CLDN10: variants seen among roughly 807,000 people sequenced by gnomAD.
The protein encoded by CLDN10 is claudin-10.
CLDN10 carries 15 observed loss-of-function variants against 22.9 expected under a neutral mutation model. That is an observed-to-expected ratio of 0.65 (90% confidence interval 0.44 to 1.01). The LOEUF (loss-of-function observed/expected upper bound fraction) is 1.01. CLDN10 is among the 50% of genes least tolerant of loss of function. The probability of loss-of-function intolerance (pLI) is 0.00; values close to 1 mark genes in which losing one functional copy is unlikely to be tolerated. For synonymous variants in CLDN10, 114 were observed against 111.4 expected, an observed-to-expected ratio of 1.02 and a Z score of -0.15; for missense variants, 247 against 287.8, an observed-to-expected ratio of 0.86 and a Z score of 1.03.
chr13:95,451,740 C>A (rs549063941), intron 1 of CLDN10, among the ~76,000 whole-genome samples: 40 of 152,336 alleles, frequency 2.6e-4, no homozygotes, highest in African/African-American at 9.6e-4. Context: ...GAGCACCCTG[C>A]ATAAAATCCA....
chr13:95,529,036 C>CTTG (rs746724488), intron 1 of CLDN10, among the ~76,000 whole-genome samples: 36 of 151,740 alleles, frequency 2.4e-4, no homozygotes, highest in East Asian at 1.9e-4. Context: ...CAATGTTTTT[C>CTTG]TTGTTGTTGT....
intron 1 of CLDN10, among the ~76,000 whole-genome samples, chr13:95,461,811 A>G (rs2042539094): frequency 1.3e-5 from 2 of 152,126 alleles, no homozygotes; most frequent in African/African-American, 2.4e-5. Flanking sequence ...GAAACACTTG[A>G]TCATGCACAG....
intron 3 of CLDN10, among the ~76,000 whole-genome samples, chr13:95,572,387 T>G (rs1358870778): frequency 6.6e-6 from 1 of 152,218 alleles, no homozygotes; most frequent in Non-Finnish European, 1.5e-5. Context: ...TTTTAAATCC[T>G]GGGTCTACCA....
upstream of CLDN10, among the ~76,000 whole-genome samples, chr13:95,552,248 TTA>T (rs542039022): frequency 5.1e-4 from 77 of 152,330 alleles, no homozygotes; most frequent in African/African-American, 1.8e-3. Context: ...ACGCAAACCT[TTA>T]GAGTTCAGCA....
At chr13:95,455,737 A>T (rs111336542) in intron 1 of CLDN10, among the ~76,000 whole-genome samples, 1,744 of 152,356 alleles carry the variant, frequency 0.011, 41 homozygotes, top group African/African-American at 0.039. Context: ...ATTTTCAATA[A>T]GAGAGTTGAA....
At chr13:95,503,252 A>T (rs948183048) in intron 1 of CLDN10, among the ~76,000 whole-genome samples, 3 of 152,230 alleles carry the variant, frequency 2.0e-5, no homozygotes, top group Non-Finnish European at 2.9e-5. Flanking sequence ...ACAAGAGTGA[A>T]TGTGTTTACC....
At chr13:95,535,150 G>A (rs78022873) in intron 1 of CLDN10, among the ~76,000 whole-genome samples, 9,440 of 152,186 alleles carry the variant, frequency 0.062, 364 homozygotes, top group African/African-American at 0.1. Context: ...CAGGTGATGG[G>A]CTGAAGATCC....
Position 95,567,528 on chromosome 13 carries a change from C to T in CLDN10, c.464+7065C>T, listed in dbSNP as rs376552393. On this transcript the variant is annotated intron_variant, in intron 3 of 4. Transcript: ENST00000299339. ...AGCTTAAGGAGATTTGGGGCTAAGACGATGGAGTTTTCTGAATATACAATC... is the reference window on the plus strand; with the variant it reads ...AGCTTAAGGAGATTTGGGGCTAAGATGATGGAGTTTTCTGAATATACAATC... Among the ~76,000 whole-genome samples the T allele has an allele frequency of 4.6e-5, 7 of 152,178 alleles. No homozygotes were observed. The East Asian group carries it at 7.7e-4, about 17-fold the overall frequency.
intron 1 of CLDN10, among the ~76,000 whole-genome samples, chr13:95,525,740 C>T (rs1260307365): frequency 6.6e-6 from 1 of 152,174 alleles, no homozygotes; most frequent in African/African-American, 2.4e-5. Flanking sequence ...GATCCACCCA[C>T]CTCAGCCTCC....
At chr13:95,577,448 T>C in intron 4 of CLDN10, 110 bp downstream of exon 4, 1 of 759,568 alleles carries the variant, frequency 1.3e-6, no homozygotes, top group African/African-American at 1.7e-5. Context: ...ACTTCCAAAA[T>C]CCGGAATTGG....
chr13:95,486,787 G>T (rs887909328), intron 1 of CLDN10, among the ~76,000 whole-genome samples: 2 of 152,120 alleles, frequency 1.3e-5, no homozygotes, highest in Non-Finnish European at 2.9e-5. Flanking sequence ...TTGTGCATGT[G>T]CCTCCACCTG....
chr13:95,515,415 G>T (rs556107500), intron 1 of CLDN10, among the ~76,000 whole-genome samples: 1 of 152,122 alleles, frequency 6.6e-6, no homozygotes, highest in Non-Finnish European at 1.5e-5. Context: ...GGCCAGGCTG[G>T]TCTTGAATTC....
intron 3 of CLDN10, among the ~76,000 whole-genome samples, chr13:95,566,312 G>A (rs1008875082): frequency 9.2e-5 from 14 of 152,040 alleles, no homozygotes; most frequent in Non-Finnish European, 1.8e-4. Context: ...TTTAATGATC[G>A]CCATTCTAAC....
At chr13:95,480,090 T>C (rs2042728754) in intron 1 of CLDN10, 2 of 152,232 alleles carry the variant, frequency 1.3e-5, no homozygotes, top group Non-Finnish European at 2.9e-5. Flanking sequence ...ACATCCTACA[T>C]GGTGGCAGGG....
upstream of CLDN10, chr13:95,552,717 T>C (rs1291513289): frequency 1.3e-6 from 2 of 1,581,024 alleles, no homozygotes; most frequent in Admixed American, 1.8e-5. Context: ...CGGCGCAGAG[T>C]GGGAGCCGGA....
intron 1 of CLDN10, among the ~76,000 whole-genome samples, chr13:95,530,740 C>A (rs1594591312): frequency 6.6e-6 from 1 of 152,012 alleles, no homozygotes; most frequent in Middle Eastern, 3.4e-3. Context: ...AAGTATGGCC[C>A]TGAAATTCAC....
At chr13:95,551,654 C>A (rs1015085579), upstream of CLDN10, among the ~76,000 whole-genome samples, 1 of 152,166 alleles carries the variant, frequency 6.6e-6, no homozygotes, top group African/African-American at 2.4e-5. Context: ...AGGTTTTAGA[C>A]CTTTCCTTAC....
intron 1 of CLDN10, among the ~76,000 whole-genome samples, chr13:95,501,038 A>G (rs1005211877): frequency 4.0e-5 from 6 of 151,744 alleles, no homozygotes; most frequent in East Asian, 1.9e-4. Context: ...TCTTTTTTAC[A>G]GAGTATTACT....
At chr13:95,521,343 T>C (rs1353213234) in intron 1 of CLDN10, among the ~76,000 whole-genome samples, 3 of 152,232 alleles carry the variant, frequency 2.0e-5, no homozygotes, top group African/African-American at 7.2e-5. Flanking sequence ...ATCAGATTCA[T>C]AGAGTTCCTC....
Sources: allele counts gnomAD v4.1 joint callset (sites outside exome capture counted in the v4.1 genomes callset), GRCh38; gene constraint gnomAD v4.1.1; transcripts MANE v1.5; gene names NCBI Gene and HGNC (gene_info 2026-07-23, HGNC 2026-07-21).